ZNF81: variants seen among roughly 807,000 people sequenced by gnomAD.
ZNF81 encodes the protein zinc finger protein 81.
Under a neutral mutation model 32.3 loss-of-function variants are expected in ZNF81, and 5 were observed. The ratio of observed to expected loss-of-function variants is 0.15; its 90% CI spans 0.08 to 0.33. ZNF81 has a LOEUF of 0.33. Ranked by LOEUF, ZNF81 falls within the 10% of genes least tolerant of loss-of-function variation. ZNF81 has a pLI of 1.00. For missense variants in ZNF81, 379 were observed against 479.8 expected (o/e 0.79, Z 1.96); for synonymous variants, 163 against 166.8 (o/e 0.98, Z 0.17).
In ZNF81 at chrX:47,846,209, G is replaced by T. The variant is rs1273736580; in HGVS notation, c.-59G>T. On this transcript the variant is annotated 5_prime_UTR_variant, in exon 2 of 5. Coordinates refer to ENST00000338637, the MANE Select transcript of ZNF81 (RefSeq NM_007137.5). ...CCCCGTTGAGTCCACCGATCCCACT[G>T]GAATTATAAAGTTGTCAGCAAGAAA... is the stretch of plus-strand genomic sequence containing the variant. 39 of 1,170,255 alleles carry T rather than the reference G, an allele frequency of 3.3e-5. No homozygotes were observed. Among genetic ancestry groups the T allele is most frequent in the Non-Finnish European group, 4.5e-5 (39 of 868,845 alleles).
intron 2 of ZNF81, among the ~76,000 whole-genome samples, chrX:47,876,704 A>G (rs1556884568): frequency 2.7e-5 from 3 of 112,282 alleles, no homozygotes; most frequent in Non-Finnish European, 5.6e-5. Flanking sequence ...TGTTATAGTC[A>G]CTATGTTTGA....
rs980356607 is a variant in ZNF81, at chrX:47,846,021, A to G, written c.-163-84A>G. The G allele has an allele frequency of 1.3e-5, 6 of 469,408 alleles. No individual in the cohort carries two copies. The African/African-American group carries it at 1.4e-4, about 11-fold the overall frequency. 38.7% of individuals were successfully genotyped at this position (469,408 alleles called of 1,213,427 possible). A position where few individuals can be genotyped will look rare whatever the true frequency, so the allele number is the denominator to read the frequency against. ...TTATCTACTTCACAGTATCCAGTGC[A>G]GTGAACTGTACTTTGGTTCCCCCAG... On this transcript the variant is annotated intron_variant, in intron 1 of 4. Coordinates refer to ENST00000338637, the MANE Select transcript of ZNF81 (RefSeq NM_007137.5).
At chrX:47,903,281 C>T (rs2058705478) in intron 4 of ZNF81, among the ~76,000 whole-genome samples, 1 of 103,927 alleles carries the variant, frequency 9.6e-6, no homozygotes, top group Non-Finnish European at 2.0e-5. Flanking sequence ...TCCCTGTTTG[C>T]AGATGACATG....
chrX:47,871,271 C>CAAA (rs2058579259), intron 2 of ZNF81, among the ~76,000 whole-genome samples: 1 of 111,583 alleles, frequency 9.0e-6, no homozygotes, highest in Non-Finnish European at 1.9e-5. Flanking sequence ...TTTCAAATTT[C>CAAA]CCCTATTATA....
intron 4 of ZNF81, among the ~76,000 whole-genome samples, chrX:47,904,370 AAAAC>A (rs2058711842): frequency 2.9e-5 from 3 of 104,528 alleles, no homozygotes; most frequent in East Asian, 3.0e-4. Context: ...TTACAGGAAA[AAAAC>A]AAACAACCCC....
intron 1 of ZNF81, among the ~76,000 whole-genome samples, chrX:47,840,472 GTCTTT>G (rs199714404): frequency 0.023 from 2,542 of 108,799 alleles, 36 homozygotes; most frequent in Non-Finnish European, 0.039. Context: ...ATAAGCTACT[GTCTTT>G]TCTTTTCTTT....
At chrX:47,862,260 G>T (rs1556882643) in intron 2 of ZNF81, among the ~76,000 whole-genome samples, 1 of 111,011 alleles carries the variant, frequency 9.0e-6, no homozygotes, top group Non-Finnish European at 1.9e-5. Context: ...GGGTGCGGTG[G>T]CTCATGCCTG....
At chrX:47,851,996 C>A (rs1293655308) in intron 2 of ZNF81, among the ~76,000 whole-genome samples, 2 of 112,079 alleles carry the variant, frequency 1.8e-5, no homozygotes, top group African/African-American at 6.5e-5. Context: ...ACAGGCATAC[C>A]TTGGAGATAT....
At chrX:47,839,934 A>ATT (rs57140591) in intron 1 of ZNF81, among the ~76,000 whole-genome samples, 1,872 of 107,982 alleles carry the variant, frequency 0.017, 15 homozygotes, top group Middle Eastern at 0.029. Context: ...TTTTTTTTGC[A>ATT]TTTTTTTTAA....
chrX:47,888,470 TTGAG>T (rs1452289382), intron 3 of ZNF81, among the ~76,000 whole-genome samples: 4 of 110,780 alleles, frequency 3.6e-5, no homozygotes, highest in Non-Finnish European at 1.9e-5. Context: ...CAAGAAACAC[TTGAG>T]GCCACCAGAA....
chrX:47,899,038 C>G (rs781934870), intron 4 of ZNF81, among the ~76,000 whole-genome samples: 1 of 111,305 alleles, frequency 9.0e-6, no homozygotes, highest in Non-Finnish European at 1.9e-5. Flanking sequence ...TCATTATCAC[C>G]TAAAAATAGG....
In ZNF81 at chrX:47,925,070, C is replaced by A. The variant is rs536337378; in HGVS notation, c.*8438C>A. On this transcript the variant is annotated 3_prime_UTR_variant, in exon 5 of 5. Coordinates refer to ENST00000338637, the MANE Select transcript of ZNF81 (RefSeq NM_007137.5). Reference sequence around the variant, plus strand: ...ACATTCTCCCACATACCTGGAATATCATTATCAATCTAATTCTATGATATA... The same window carrying A: ...ACATTCTCCCACATACCTGGAATATAATTATCAATCTAATTCTATGATATA... 9.0e-6 allele frequency among the ~76,000 whole-genome samples: 1 copy of A among 111,520 alleles called. No individual in the cohort carries two copies. Among genetic ancestry groups the A allele is most frequent in the African/African-American group, 3.3e-5 (1 of 30,727 alleles).
rs1488009458 is a variant in ZNF81 at position 47,873,812 on chromosome X, A to C, written c.55-14187A>C. Among the ~76,000 whole-genome samples, 4 of 110,851 alleles carry C rather than the reference A, an allele frequency of 3.6e-5. No homozygotes were observed. In the East Asian group the frequency reaches 1.1e-3, roughly 32 times the overall value. Reference sequence around the variant, plus strand: ...CTCCCGAGTAGCTGGGACTACAGGCATGTGCCACCATGCCTGGCTAATTTT... The same window carrying C: ...CTCCCGAGTAGCTGGGACTACAGGCCTGTGCCACCATGCCTGGCTAATTTT... On this transcript the variant is annotated intron_variant, in intron 2 of 4. Transcript: ENST00000338637.
At chrX:47,892,552 G>A (rs1044086992) in intron 3 of ZNF81, among the ~76,000 whole-genome samples, 2 of 111,786 alleles carry the variant, frequency 1.8e-5, no homozygotes, top group Non-Finnish European at 1.9e-5. Flanking sequence ...ATTTAGTGTA[G>A]GCCACCTTTT....
chrX:47,915,377 A>G lies in ZNF81; in HGVS notation c.731A>G (p.Lys244Arg). 1.7e-6 allele frequency: 2 copies of G among 1,211,843 alleles called. No individual in the cohort carries two copies. Among genetic ancestry groups the G allele is most frequent in the Non-Finnish European group, 1.1e-6 (1 of 895,500 alleles). Residue 244 changes from lysine to arginine, a missense_variant, in exon 5 of 5, where the codon AAG (lysine) becomes AGG (arginine). By Grantham distance (26) the Lys-to-Arg change is conservative (BLOSUM62 2). Around this residue, in one of 2 missense-constraint regions of ZNF81, gnomAD observed 277 missense variants for 306.6 expected, o/e 0.90. Coordinates refer to ENST00000338637, the MANE Select transcript of ZNF81 (RefSeq NM_007137.5). ...CACGAAAATACACATACAGGAGTGA[A>G]GTTCTGTGAACGTAATCAATGTGGA... is the stretch of plus-strand genomic sequence containing the variant. ...SHHENTHTGV[K>R]FCERNQCGKV...
At chrX:47,875,466 A>G (rs782538139) in intron 2 of ZNF81, among the ~76,000 whole-genome samples, 45 of 112,522 alleles carry the variant, frequency 4.0e-4, no homozygotes, top group African/African-American at 1.3e-3. Context: ...AGGCTTTCCC[A>G]TATTTTTCTA....
chrX:47,874,703 G>A (rs1556884322), intron 2 of ZNF81, among the ~76,000 whole-genome samples: 1 of 112,079 alleles, frequency 8.9e-6, no homozygotes, highest in Non-Finnish European at 1.9e-5. Context: ...GATAGCACTT[G>A]GGATTCCTTT....
chrX:47,861,646 A>T, intron 2 of ZNF81, among the ~76,000 whole-genome samples: 1 of 112,135 alleles, frequency 8.9e-6, no homozygotes, highest in Non-Finnish European at 1.9e-5. Flanking sequence ...GCCAATCCCC[A>T]GTATTTTCCT....
chrX:47,841,408 G>T, intron 1 of ZNF81: 2 of 807,502 alleles, frequency 2.5e-6, no homozygotes, highest in Non-Finnish European at 3.7e-6. Flanking sequence ...GTAAACTCAC[G>T]CCATCAATCC....
Sources: allele counts gnomAD v4.1 joint callset (sites outside exome capture counted in the v4.1 genomes callset), GRCh38; gene constraint gnomAD v4.1.1; regional missense constraint gnomAD v4.1.1; transcripts MANE v1.5; gene names NCBI Gene and HGNC (gene_info 2026-07-23, HGNC 2026-07-21).